Variants in CACNA1A observed in about 807,000 individuals in gnomAD.
The protein encoded by CACNA1A is voltage-dependent P/Q-type calcium channel subunit alpha-1A.
A neutral mutation model predicts 262.4 loss-of-function variants in CACNA1A; 57 were observed. The ratio of observed to expected loss-of-function variants is 0.22; its 90% CI spans 0.18 to 0.27. The LOEUF (loss-of-function observed/expected upper bound fraction) is 0.27, where lower values mean the gene tolerates loss of function less well. CACNA1A is among the 10% of genes least tolerant of loss of function. CACNA1A has a pLI of 1.00. For synonymous variants in CACNA1A, 1,431 were observed against 1,419.3 expected, an observed-to-expected ratio of 1.01 and a Z score of -0.18; for missense variants, 2,526 against 3,562.8, an observed-to-expected ratio of 0.71 and a Z score of 7.41.
At chr19:13,424,872 T>C (rs2060374881) in intron 3 of CACNA1A, among the ~76,000 whole-genome samples, 1 of 152,118 alleles carries the variant, frequency 6.6e-6, no homozygotes, top group Non-Finnish European at 1.5e-5. Context: ...TGGTGCGATC[T>C]TGGCTCACTG....
intron 3 of CACNA1A, among the ~76,000 whole-genome samples, chr19:13,431,071 C>G (rs1298943136): frequency 6.6e-6 from 1 of 151,976 alleles, no homozygotes; most frequent in African/African-American, 2.4e-5. Flanking sequence ...TGGGGGATCA[C>G]AGGGGCAGAG....
In CACNA1A at chr19:13,386,152, T is replaced by G. The variant is rs540116254; in HGVS notation, c.540-14373A>C. On this transcript the variant is annotated intron_variant, in intron 3 of 46. Transcript: ENST00000360228. ...GGCAACAGAGTGAGACCTTGTCTCTTAAAAAAAAAAAAAAAAGAAGAAGAA... is the reference window on the plus strand; with the variant it reads ...GGCAACAGAGTGAGACCTTGTCTCTGAAAAAAAAAAAAAAAAGAAGAAGAA... Among the ~76,000 whole-genome samples, 30 of 141,026 alleles carry G rather than the reference T, an allele frequency of 2.1e-4. No individual in the cohort carries two copies. The South Asian group carries it at 6.3e-3, about 30-fold the overall frequency. 92.5% of individuals were successfully genotyped at this position (141,026 alleles called of 152,430 possible).
Position 13,212,057 on chromosome 19 carries a change from T to C in CACNA1A, c.6303+46A>G, listed in dbSNP as rs1023406293. 1 of 1,394,784 alleles carries C rather than the reference T, an allele frequency of 7.2e-7. No individual in the cohort carries two copies. Among genetic ancestry groups the C allele is most frequent in the Non-Finnish European group, 1.0e-6 (1 of 989,950 alleles). The allele number at this position is 1,394,784 out of a possible 1,614,324, so 86.4% of individuals were successfully genotyped here. A position where few individuals can be genotyped will look rare whatever the true frequency, so the allele number is the denominator to read the frequency against. On this transcript the variant is annotated intron_variant, in intron 43 of 46. Transcript: ENST00000360228. This position sits in a 1 kb window ranked among gnomAD's most constrained non-coding sequence, Gnocchi z 5.6. ...TGTGGGGGGGCCTGGCCCTACCCAG[T>C]GCAGAGTGAGGGGTCCAGCCCCAGG...
At chr19:13,474,552 C>T (rs553667749) in intron 1 of CACNA1A, among the ~76,000 whole-genome samples, 17 of 152,334 alleles carry the variant, frequency 1.1e-4, no homozygotes, top group African/African-American at 4.1e-4. Context: ...GGTGTGGTGG[C>T]TTACGCCTGT....
chr19:13,338,132 G>A (rs373068059), intron 6 of CACNA1A, among the ~76,000 whole-genome samples: 30 of 152,060 alleles, frequency 2.0e-4, no homozygotes, highest in Non-Finnish European at 3.2e-4. Flanking sequence ...GGAGAATGGC[G>A]TGAACCCAGA....
chr19:13,394,446 G>A (rs975937873), intron 3 of CACNA1A, among the ~76,000 whole-genome samples: 4 of 152,186 alleles, frequency 2.6e-5, no homozygotes, highest in South Asian at 2.1e-4. Context: ...GGAAGATCTC[G>A]AGGACCAGGT....
intron 24 of CACNA1A, among the ~76,000 whole-genome samples, chr19:13,266,910 T>C (rs1221119838): frequency 6.6e-6 from 1 of 152,186 alleles, no homozygotes; most frequent in Non-Finnish European, 1.5e-5. Flanking sequence ...TCCACCCAGC[T>C]TGCCTATTGA....
At chr19:13,208,408 CAT>C (rs1446107292) in intron 46 of CACNA1A, among the ~76,000 whole-genome samples, 1 of 151,412 alleles carries the variant, frequency 6.6e-6, no homozygotes, top group Admixed American at 6.6e-5. Flanking sequence ...GGACAGAAAT[CAT>C]AATTGAAACA....
chr19:13,457,073 G>GACT (rs1491014215), intron 1 of CACNA1A, among the ~76,000 whole-genome samples: 1 of 149,146 alleles, frequency 6.7e-6, no homozygotes, highest in Non-Finnish European at 1.5e-5. Context: ...AACAAACTGA[G>GACT]ACTCTATCTC....
At chr19:13,407,751 G>C (rs759188659) in intron 3 of CACNA1A, among the ~76,000 whole-genome samples, 4 of 152,132 alleles carry the variant, frequency 2.6e-5, no homozygotes, top group Non-Finnish European at 5.9e-5. Context: ...AGCACTTTGG[G>C]AGGCCAAGGC....
chr19:13,317,410 AG>A, intron 10 of CACNA1A, 89 bp from the exon 11 acceptor site: 1 of 1,111,108 alleles, frequency 9.0e-7, no homozygotes, highest in Non-Finnish European at 1.3e-6. Flanking sequence ...GATTTTAGCC[AG>A]GGGATCCATT....
At chr19:13,422,303 G>A (rs754680538) in intron 3 of CACNA1A, among the ~76,000 whole-genome samples, 3 of 152,158 alleles carry the variant, frequency 2.0e-5, no homozygotes, top group Admixed American at 6.6e-5. Context: ...CCTGGGTGAT[G>A]GAGTGAGACC....
At chr19:13,215,811 C>A (rs962854650) in intron 38 of CACNA1A, among the ~76,000 whole-genome samples, 1 of 152,112 alleles carries the variant, frequency 6.6e-6, no homozygotes, top group African/African-American at 2.4e-5. Context: ...ATCAAAGTAA[C>A]GTGCGTGCAG....
At chr19:13,332,292 T>TC (rs1283687333) in intron 9 of CACNA1A, among the ~76,000 whole-genome samples, 1 of 151,988 alleles carries the variant, frequency 6.6e-6, no homozygotes, top group African/African-American at 2.4e-5. Context: ...TCTCAGCTTC[T>TC]CATGAGGCTG....
chr19:13,407,402 G>A (rs962936911), intron 3 of CACNA1A, among the ~76,000 whole-genome samples: 1 of 152,128 alleles, frequency 6.6e-6, no homozygotes, highest in East Asian at 1.9e-4. Flanking sequence ...AACATATCTT[G>A]GATATAGAGA....
In CACNA1A at chr19:13,236,552, C is replaced by T. The variant is rs2055884851; in HGVS notation, c.4951-822G>A. ...GAGTCGGAGAAGATGCATTTGGGGC[C>T]CTTTTCCCCCCTCTCAGGGATGGCT... On this transcript the variant is annotated intron_variant, in intron 31 of 46. Transcript: ENST00000360228. This position sits in a 1 kb window ranked among gnomAD's most constrained non-coding sequence, Gnocchi z 4.6. 1 of 153,026 alleles carries T rather than the reference C, an allele frequency of 6.5e-6. No homozygotes were observed. The highest frequency in any genetic ancestry group is 2.4e-5 in the African/African-American group (1 of 41,420). 9.5% of individuals were successfully genotyped at this position (153,026 alleles called of 1,614,324 possible). A position where few individuals can be genotyped will look rare whatever the true frequency, so the allele number is the denominator to read the frequency against.
At chr19:13,354,598 A>G (rs763862497) in intron 6 of CACNA1A, among the ~76,000 whole-genome samples, 1 of 152,214 alleles carries the variant, frequency 6.6e-6, no homozygotes, top group Non-Finnish European at 1.5e-5. Context: ...CACTTTGGGA[A>G]GCCCCAGACA....
At chr19:13,496,184 G>A (rs1290687050) in intron 1 of CACNA1A, among the ~76,000 whole-genome samples, 1 of 152,142 alleles carries the variant, frequency 6.6e-6, no homozygotes, top group Non-Finnish European at 1.5e-5. Flanking sequence ...ACTGCGTTGT[G>A]ATCAGAAACA....
chr19:13,417,741 T>C (rs1201874408), intron 3 of CACNA1A, among the ~76,000 whole-genome samples: 1 of 151,624 alleles, frequency 6.6e-6, no homozygotes, highest in Non-Finnish European at 1.5e-5. Context: ...AATACAAAAA[T>C]TAGCTGGGCG....
Sources: gnomAD v4.1 joint callset for allele counts (sites outside exome capture counted in the v4.1 genomes callset) on GRCh38, gnomAD v4.1.1 for gene constraint, Gnocchi (gnomAD v3.1) non-coding constraint, MANE v1.5 for transcripts, NCBI Gene and HGNC (gene_info 2026-07-23, HGNC 2026-07-21) for gene names.